The following DIS3 variants were observed in gnomAD, a reference collection of about 807,000 sequenced individuals.
DIS3 encodes DIS3 exosome endoribonuclease and 3'-5' exoribonuclease.
DIS3 carries 103 observed loss-of-function variants against 113.0 expected under a neutral mutation model. That is an observed-to-expected ratio of 0.91 (90% CI 0.78 to 1.07). The LOEUF is 1.07. DIS3 is among the 50% of genes least tolerant of loss of function. The pLI, the probability that DIS3 is intolerant of heterozygous loss-of-function variation, is 0.00. For synonymous variants in DIS3, 402 were observed against 394.3 expected (o/e 1.02, Z -0.23); for missense variants, 1,121 against 1,167.1 (o/e 0.96, Z 0.58).
chr13:72,765,654 A>G (rs986591944), intron 15 of DIS3, among the ~76,000 whole-genome samples: 2 of 152,208 alleles, frequency 1.3e-5, no homozygotes, highest in Non-Finnish European at 2.9e-5. Context: ...CCTGCACTAC[A>G]GTATATTCTA....
At chr13:72,763,348 T>C in intron 16 of DIS3, 103 bp downstream of exon 16, 3 of 1,358,170 alleles carry the variant, frequency 2.2e-6, no homozygotes, top group African/African-American at 1.5e-5. Flanking sequence ...TATTCTTGTA[T>C]TAACAAACAA....
chr13:72,766,166 G>C, intron 14 of DIS3, 108 bp from the exon 15 acceptor site: 2 of 880,830 alleles, frequency 2.3e-6, no homozygotes, highest in Non-Finnish European at 3.3e-6. Context: ...GTGTGTAATA[G>C]TTGCTCTTCT....
At chr13:72,777,214 T>C (rs1371649812) in intron 4 of DIS3, among the ~76,000 whole-genome samples, 1 of 152,218 alleles carries the variant, frequency 6.6e-6, no homozygotes, top group African/African-American at 2.4e-5. Flanking sequence ...CTCAGGTTAA[T>C]GGGAATATAT....
At chr13:72,768,451 A>C (rs1032280131) in intron 14 of DIS3, among the ~76,000 whole-genome samples, 3 of 152,168 alleles carry the variant, frequency 2.0e-5, no homozygotes, top group Admixed American at 6.5e-5. Flanking sequence ...GGAGTTCAAG[A>C]CCAGCCTGGC....
chr13:72,753,096 A>G lies in DIS3; in HGVS notation c.*6699T>C, dbSNP rs1465436201. On this transcript the variant is annotated 3_prime_UTR_variant, in exon 21 of 21. Transcript: ENST00000377767. ...GGAGAAAAAAATATTAAATATATAG[A>G]GATAGTGCCTGGCCTTTTTAGACAC... The G allele has an allele frequency of 6.6e-6, 1 of 152,230 alleles. No individual in the cohort carries two copies. Among genetic ancestry groups the G allele is most frequent in the East Asian group, 1.9e-4 (1 of 5,202 alleles). 9.4% of individuals were successfully genotyped at this position (152,230 alleles called of 1,614,324 possible). A position where few individuals can be genotyped will look rare whatever the true frequency, so the allele number is the denominator to read the frequency against.
intron 16 of DIS3, among the ~76,000 whole-genome samples, chr13:72,762,891 T>A (rs79556796): frequency 0.11 from 16,051 of 151,892 alleles, 1,155 homozygotes; most frequent in Non-Finnish European, 0.16. Context: ...TGAAGCAACA[T>A]AGACATATGA....
intron 9 of DIS3, 58 bp downstream of exon 9, chr13:72,772,635 A>G: frequency 6.5e-7 from 1 of 1,527,356 alleles, no homozygotes; most frequent in Non-Finnish European, 8.8e-7. Context: ...TAGAAATTAA[A>G]CAAAACTAGG....
In DIS3 at chr13:72,772,245, G is replaced by A; in HGVS notation, c.1417C>T (p.Leu473=). The change falls in exon 10 of 21, where the codon CTG becomes TTG. Residue 473 remains leucine, a synonymous_variant. Coordinates refer to ENST00000377767, the MANE Select transcript of DIS3 (RefSeq NM_014953.5). ...GGTGGGTCTACACTACAAATACACA[G>A]ATGCCTCAGGTCTTCTCGGTTTTTC... ...DMKNREDLRH[L]CICSVDPPGC... The A allele has an allele frequency of 1.2e-6, 2 of 1,612,940 alleles. No homozygotes were observed. The highest frequency in any genetic ancestry group is 1.7e-6 in the Non-Finnish European group (2 of 1,179,824).
chr13:72,774,104 T>C (rs1333541348), intron 6 of DIS3, 45 bp from the exon 7 acceptor site: 1 of 1,337,516 alleles, frequency 7.5e-7, no homozygotes, highest in Non-Finnish European at 1.0e-6. Flanking sequence ...CCTCTAAGTA[T>C]TATCAGGCAA....
intron 2 of DIS3, among the ~76,000 whole-genome samples, chr13:72,779,496 G>C (rs1236178513): frequency 6.8e-6 from 1 of 146,334 alleles, no homozygotes; most frequent in African/African-American, 2.4e-5. Context: ...TTTCTGCACT[G>C]AAAAACAAGT....
chr13:72,762,556 C>T (rs905008295), intron 16 of DIS3, among the ~76,000 whole-genome samples: 5 of 152,122 alleles, frequency 3.3e-5, no homozygotes, highest in African/African-American at 7.2e-5. Flanking sequence ...CCATCATGAT[C>T]GAATAATGCC....
Position 72,772,250 on chromosome 13 carries a change from C to T in DIS3, c.1412G>A (p.Arg471Lys). Residue 471 changes from arginine (R) to lysine (K), a missense_variant, in exon 10 of 21, where the codon AGG becomes AAG. Arg to Lys is a conservative substitution (Grantham distance 26, BLOSUM62 2). Around this residue, in one of 3 missense-constraint regions of DIS3, gnomAD observed 861 missense variants for 915.5 expected, o/e 0.94. Coordinates refer to ENST00000377767, the MANE Select transcript of DIS3 (RefSeq NM_014953.5). ...GTCTACACTACAAATACACAGATGC[C>T]TCAGGTCTTCTCGGTTTTTCATGTC... ...EKDMKNREDL[R>K]HLCICSVDPP... The T allele has an allele frequency of 3.7e-6, 6 of 1,612,428 alleles. No homozygotes were observed. The highest frequency in any genetic ancestry group is 5.1e-6 in the Non-Finnish European group (6 of 1,179,756).
intron 14 of DIS3, among the ~76,000 whole-genome samples, chr13:72,768,191 A>G (rs987952636): frequency 2.6e-5 from 4 of 152,182 alleles, no homozygotes; most frequent in African/African-American, 9.7e-5. Context: ...CTGGAAACTC[A>G]TTTCTAATTA....
At chr13:72,778,054 C>A in intron 3 of DIS3, 133 bp downstream of exon 3, 1 of 859,542 alleles carries the variant, frequency 1.2e-6, no homozygotes, top group South Asian at 3.2e-5. Flanking sequence ...TTTAAAAATA[C>A]AAAAATATCA....
At position 72,772,355 on chromosome 13, in the gene DIS3, T is replaced by C. The variant is rs150422292; in HGVS notation, c.1387-80A>G. On this transcript the variant is annotated intron_variant, in intron 9 of 20. Coordinates refer to ENST00000377767, the MANE Select transcript of DIS3 (RefSeq NM_014953.5). ...ATATTAATAGCTCTTGTGAAATCAG[T>C]AATATGTATACAAAAACAATTTAGC... The C allele has an allele frequency of 1.8e-4, 200 of 1,084,464 alleles. No individual in the cohort carries two copies. The African/African-American group carries it at 2.8e-3, about 15-fold the overall frequency. 67.2% of individuals were successfully genotyped at this position (1,084,464 alleles called of 1,614,324 possible).
Position 72,753,324 on chromosome 13 carries a change from A to C in DIS3, c.*6471T>G, listed in dbSNP as rs891726234. The C allele has an allele frequency of 3.6e-5, 6 of 166,764 alleles. No individual in the cohort carries two copies. Among genetic ancestry groups the C allele is most frequent in the Non-Finnish European group, 6.5e-5 (5 of 77,516 alleles). The allele number at this position is 166,764 out of a possible 1,614,324, so 10.3% of individuals were successfully genotyped here. A position where few individuals can be genotyped will look rare whatever the true frequency, so the allele number is the denominator to read the frequency against. ...CACTTTTTTAAAGGCAGCATGCCTC[A>C]AGCCATTTAGAGACAAGCCTGGAAA... On this transcript the variant is annotated 3_prime_UTR_variant, in exon 21 of 21. Transcript: ENST00000377767.
At chr13:72,772,924 C>A in intron 8 of DIS3, 85 bp from the exon 9 acceptor site, 1 of 1,403,976 alleles carries the variant, frequency 7.1e-7, no homozygotes. Flanking sequence ...ATTTACATAT[C>A]TTCTCAGTAT....
intron 14 of DIS3, among the ~76,000 whole-genome samples, chr13:72,767,469 A>G (rs542770694): frequency 6.6e-6 from 1 of 152,266 alleles, no homozygotes; most frequent in East Asian, 1.9e-4. Flanking sequence ...GTTTTGCTCA[A>G]GTTTAATAGT....
intron 15 of DIS3, among the ~76,000 whole-genome samples, chr13:72,764,997 C>G (rs1462404372): frequency 3.3e-5 from 5 of 152,084 alleles, no homozygotes; most frequent in Non-Finnish European, 5.9e-5. Flanking sequence ...CATATTTACT[C>G]TAAGTAAAAA....
Sources: allele counts gnomAD v4.1 joint callset (sites outside exome capture counted in the v4.1 genomes callset), GRCh38; gene constraint gnomAD v4.1.1; regional missense constraint gnomAD v4.1.1; transcripts MANE v1.5; gene names NCBI Gene and HGNC (gene_info 2026-07-23, HGNC 2026-07-21).